P4HA3: variants seen among roughly 807,000 people sequenced by gnomAD.
P4HA3 encodes prolyl 4-hydroxylase subunit alpha 3, also known as prolyl 4-hydroxylase subunit alpha-3.
A neutral mutation model predicts 66.7 loss-of-function variants in P4HA3; 60 were observed. The observed-to-expected ratio is 0.90, with a 90% confidence interval of 0.73 to 1.12. P4HA3 has a LOEUF of 1.12. P4HA3 is among the 50% of genes most tolerant of loss of function. The pLI is 0.00. For synonymous variants in P4HA3, 263 were observed against 274.6 expected (o/e 0.96, Z 0.42); for missense variants, 683 against 685.8 (o/e 1.00, Z 0.05).
At chr11:74,298,392 C>T in intron 3 of P4HA3, 31 bp from the exon 4 acceptor site, 13 of 1,592,252 alleles carry the variant, frequency 8.2e-6, no homozygotes, top group Non-Finnish European at 1.1e-5. Context: ...ATCGCCAAAG[C>T]CTTATTCCAC....
chr11:74,251,464 G>C, intron 15 of P4HA3: 3 of 1,428,782 alleles, frequency 2.1e-6, no homozygotes, highest in Non-Finnish European at 2.7e-6. Flanking sequence ...CCCTGGCAAG[G>C]ATAGTGGGGA....
At chr11:74,272,669 G>A (rs928614941) in intron 10 of P4HA3, among the ~76,000 whole-genome samples, 8 of 152,228 alleles carry the variant, frequency 5.3e-5, no homozygotes, top group Non-Finnish European at 1.0e-4. Flanking sequence ...GTGGAGACCA[G>A]AGACAGTCCT....
intron 4 of P4HA3, among the ~76,000 whole-genome samples, chr11:74,295,540 G>GA (rs1281190730): frequency 5.9e-5 from 9 of 151,980 alleles, no homozygotes; most frequent in Admixed American, 3.3e-4. Flanking sequence ...ATGAGAAATG[G>GA]AAAAAAATTA....
At chr11:74,284,528 A>G (rs1275766989) in intron 7 of P4HA3, among the ~76,000 whole-genome samples, 1 of 152,186 alleles carries the variant, frequency 6.6e-6, no homozygotes, top group Non-Finnish European at 1.5e-5. Context: ...CATGATTGTA[A>G]TTTAATTTAA....
Position 74,285,877 on chromosome 11 carries a change from T to C in P4HA3, c.1042A>G (p.Ile348Val). Residue 348 changes from isoleucine (I) to valine (V), a missense_variant, in exon 7 of 13, where the codon ATT becomes GTT. By Grantham distance (29) the Ile-to-Val change is conservative. Transcript: ENST00000331597. ...CTGACGAAGTCATGGTAGAGAGCAA[T>C]GTAGGGCTCCAGGTGGATGACCTCC... ...RKEVIHLEPY[I>V]ALYHDFVSDS... 5 of 1,614,032 alleles carry C rather than the reference T, an allele frequency of 3.1e-6. No individual in the cohort carries two copies. The highest frequency in any genetic ancestry group is 4.2e-6 in the Non-Finnish European group (5 of 1,179,922).
At chr11:74,280,133 C>T (rs1860540368) in intron 7 of P4HA3, among the ~76,000 whole-genome samples, 1 of 152,058 alleles carries the variant, frequency 6.6e-6, no homozygotes, top group African/African-American at 2.4e-5. Flanking sequence ...TTCTGAATGT[C>T]TAGGTATAGC....
chr11:74,273,061 C>T (rs1357916241), intron 10 of P4HA3, among the ~76,000 whole-genome samples: 2 of 152,192 alleles, frequency 1.3e-5, no homozygotes, highest in African/African-American at 2.4e-5. Flanking sequence ...CACTAAACAT[C>T]AGAGGCAGCA....
At chr11:74,311,354 T>C in intron 1 of P4HA3, 58 bp downstream of exon 1, 1 of 1,416,170 alleles carries the variant, frequency 7.1e-7, no homozygotes. Flanking sequence ...CACCCCACCC[T>C]GCGGCACAGT....
intron 4 of P4HA3, among the ~76,000 whole-genome samples, chr11:74,292,603 A>G (rs561066028): frequency 6.6e-6 from 1 of 151,246 alleles, no homozygotes; most frequent in East Asian, 1.9e-4. Context: ...ATTTCCCTCT[A>G]CACACTGCTT....
intron 11 of P4HA3, 122 bp downstream of exon 11, chr11:74,269,530 G>T: frequency 2.1e-6 from 2 of 949,526 alleles, no homozygotes; most frequent in Non-Finnish European, 3.1e-6. Flanking sequence ...TCTGGGAATT[G>T]GGGAAGACCT....
chr11:74,284,993 C>T (rs928971091), intron 7 of P4HA3, among the ~76,000 whole-genome samples: 8 of 151,556 alleles, frequency 5.3e-5, no homozygotes, highest in South Asian at 2.1e-4. Context: ...CTTTTTATAA[C>T]GAAATTATAA....
intron 9 of P4HA3, among the ~76,000 whole-genome samples, chr11:74,275,768 G>T (rs1010025545): frequency 1.3e-5 from 2 of 152,036 alleles, no homozygotes; most frequent in Non-Finnish European, 2.9e-5. Flanking sequence ...TTTTGGGGAG[G>T]TCATTTTAAT....
At chr11:74,279,707 TAA>T (rs1405142677) in intron 7 of P4HA3, among the ~76,000 whole-genome samples, 1 of 152,206 alleles carries the variant, frequency 6.6e-6, no homozygotes, top group Non-Finnish European at 1.5e-5. Flanking sequence ...AAGCACTCAA[TAA>T]AAGTTTGCTG....
chr11:74,269,248 A>T (rs962828858), intron 11 of P4HA3, among the ~76,000 whole-genome samples: 1 of 152,148 alleles, frequency 6.6e-6, no homozygotes, highest in Non-Finnish European at 1.5e-5. Flanking sequence ...ACGTCTCTGT[A>T]AACTCCTGGA....
intron 15 of P4HA3, chr11:74,253,662 C>A (rs1380639211): frequency 1.3e-5 from 11 of 817,698 alleles, no homozygotes; most frequent in African/African-American, 6.8e-5. Flanking sequence ...CCAACCTTTT[C>A]ATGTATTCTG....
At chr11:74,272,002 C>T (rs2135707955) in intron 10 of P4HA3, among the ~76,000 whole-genome samples, 1 of 152,298 alleles carries the variant, frequency 6.6e-6, no homozygotes, top group African/African-American at 2.4e-5. Context: ...TCATCAGACC[C>T]TCACAACAAC....
chr11:74,270,807 G>GCTACACAT (rs1363474334), intron 10 of P4HA3, among the ~76,000 whole-genome samples: 1 of 152,106 alleles, frequency 6.6e-6, no homozygotes, highest in Non-Finnish European at 1.5e-5. Context: ...TAACCATCAT[G>GCTACACAT]CTACACATTT....
intron 15 of P4HA3, chr11:74,253,784 G>A (rs764104300): frequency 9.0e-6 from 5 of 557,064 alleles, no homozygotes; most frequent in South Asian, 4.7e-5. Flanking sequence ...CTCTCCCTGC[G>A]TTGCCTAGGG....
chr11:74,301,532 T>C (rs1861406346), intron 3 of P4HA3, among the ~76,000 whole-genome samples: 1 of 152,152 alleles, frequency 6.6e-6, no homozygotes, highest in Non-Finnish European at 1.5e-5. Context: ...GAAGACTGAC[T>C]CCCAAAACTT....
Sources: allele counts gnomAD v4.1 joint callset (sites outside exome capture counted in the v4.1 genomes callset), GRCh38; gene constraint gnomAD v4.1.1; transcripts MANE v1.5; gene names NCBI Gene and HGNC (gene_info 2026-07-23, HGNC 2026-07-21).